Variants in HERC5 observed in about 807,000 individuals in gnomAD.
The protein encoded by HERC5 is E3 ISG15--protein ligase HERC5.
Under a neutral mutation model 119.6 loss-of-function variants are expected in HERC5, and 99 were observed. The observed-to-expected ratio is 0.83, with a 90% CI of 0.70 to 0.98. HERC5 has a LOEUF of 0.98. HERC5 is among the 50% of genes least tolerant of loss of function. The pLI, the probability that HERC5 is intolerant of heterozygous loss-of-function variation, is 0.00. For missense variants in HERC5, 1,267 were observed against 1,241.3 expected, an observed-to-expected ratio of 1.02 and a Z score of -0.31; for synonymous variants, 478 against 445.9, an observed-to-expected ratio of 1.07 and a Z score of -0.91.
At chr4:88,459,271 T>G in intron 1 of HERC5, 76 bp from the exon 2 acceptor site, 4 of 1,202,936 alleles carry the variant, frequency 3.3e-6, no homozygotes, top group Non-Finnish European at 4.4e-6. Context: ...ATGTTTTAAG[T>G]GTATTATAAT....
At chr4:88,502,851 T>C (rs1741985932) in intron 20 of HERC5, among the ~76,000 whole-genome samples, 1 of 152,154 alleles carries the variant, frequency 6.6e-6, no homozygotes, top group Non-Finnish European at 1.5e-5. Context: ...ATCTTTAGTC[T>C]ATTTTTCTGT....
chr4:88,505,942 T>C lies in HERC5; in HGVS notation c.*64T>C. Reference sequence around the variant, plus strand: ...ATCGTTGTTGTTGTTGTTGTTGTTGTTGTTTCTCTACTTTGTTTTGTTTTA... The same window carrying C: ...ATCGTTGTTGTTGTTGTTGTTGTTGCTGTTTCTCTACTTTGTTTTGTTTTA... On this transcript the variant is annotated 3_prime_UTR_variant, in exon 23 of 23. Transcript: ENST00000264350. 7.5e-6 allele frequency: 10 copies of C among 1,327,354 alleles called. No individual in the cohort carries two copies. The South Asian group carries it at 1.3e-4, about 18-fold the overall frequency. 82.2% of individuals were successfully genotyped at this position (1,327,354 alleles called of 1,614,324 possible).
intron 13 of HERC5, among the ~76,000 whole-genome samples, chr4:88,484,491 G>A (rs528170756): frequency 1.1e-4 from 16 of 152,308 alleles, no homozygotes; most frequent in Middle Eastern, 3.4e-3. Context: ...AAGCTTTTTA[G>A]AATTTGGTGG....
chr4:88,493,892 G>A (rs1741725908), intron 17 of HERC5, among the ~76,000 whole-genome samples: 1 of 151,472 alleles, frequency 6.6e-6, no homozygotes, highest in Non-Finnish European at 1.5e-5. Context: ...GGGATTACAA[G>A]CGTGAGAGTG....
chr4:88,490,185 A>T (rs891907963), intron 16 of HERC5, among the ~76,000 whole-genome samples: 1 of 152,222 alleles, frequency 6.6e-6, no homozygotes, highest in Non-Finnish European at 1.5e-5. Flanking sequence ...ATACTGAATC[A>T]TAATGACCAG....
At chr4:88,482,595 A>G (rs1306484902) in intron 13 of HERC5, among the ~76,000 whole-genome samples, 2 of 152,290 alleles carry the variant, frequency 1.3e-5, no homozygotes, top group East Asian at 3.9e-4. Context: ...CCATTTGAAC[A>G]TGGAATCCCA....
chr4:88,493,784 T>G (rs957249291), intron 17 of HERC5, among the ~76,000 whole-genome samples: 3 of 151,832 alleles, frequency 2.0e-5, no homozygotes, highest in Admixed American at 6.6e-5. Flanking sequence ...TGGGTAGTTT[T>G]TGTATTTTTT....
chr4:88,487,101 A>G lies in HERC5; in HGVS notation c.1884A>G (p.Ile628Met). The G allele has an allele frequency of 1.2e-6, 2 of 1,611,808 alleles. No homozygotes were observed. The highest frequency in any genetic ancestry group is 1.7e-6 in the Non-Finnish European group (2 of 1,178,696). ...DASENVQCCV[I>M]FSHFPFIFNN... ...CAGAAAATGTACAATGCTGCGTCATATTCAGTCACTTTCCATTTATCTTTA... is the reference window on the plus strand; with the variant it reads ...CAGAAAATGTACAATGCTGCGTCATGTTCAGTCACTTTCCATTTATCTTTA... Residue 628 changes from isoleucine (I) to methionine (M), a missense_variant, in exon 15 of 23, where the codon ATA becomes ATG. Ile to Met is a conservative substitution (Grantham distance 10). Transcript: ENST00000264350.
intron 6 of HERC5, among the ~76,000 whole-genome samples, chr4:88,465,605 T>C (rs571654509): frequency 5.3e-5 from 8 of 152,222 alleles, no homozygotes; most frequent in Non-Finnish European, 1.0e-4. Flanking sequence ...CCTCTTTGGA[T>C]TCTTCATTAC....
intron 11 of HERC5, chr4:88,473,501 A>G (rs893505224): frequency 2.6e-5 from 4 of 152,186 alleles, no homozygotes; most frequent in African/African-American, 4.8e-5. Flanking sequence ...TCAAGGAAAG[A>G]TGGAAAGTTC....
chr4:88,479,666 AAT>A (rs1012180770), intron 13 of HERC5, among the ~76,000 whole-genome samples, 159 bp downstream of exon 13: 1 of 152,026 alleles, frequency 6.6e-6, no homozygotes, highest in African/African-American at 2.4e-5. Flanking sequence ...CATATAAAGG[AAT>A]ATATATATAA....
intron 7 of HERC5, 54 bp from the exon 8 acceptor site, chr4:88,468,292 C>G: frequency 8.4e-7 from 1 of 1,190,244 alleles, no homozygotes; most frequent in South Asian, 1.3e-5. Flanking sequence ...ATTGAACATG[C>G]ATGTTTGTGC....
intron 7 of HERC5, among the ~76,000 whole-genome samples, chr4:88,467,411 G>A (rs1740710084): frequency 6.6e-6 from 1 of 152,164 alleles, no homozygotes; most frequent in South Asian, 2.1e-4. Context: ...CTTCAGATTA[G>A]GATTAATGTG....
At position 88,504,265 on chromosome 4, in the gene HERC5, T is replaced by C. The variant is rs1218204855; in HGVS notation, c.2616T>C (p.Ile872=). 2 of 1,607,448 alleles carry C rather than the reference T, an allele frequency of 1.2e-6. No individual in the cohort carries two copies. Among genetic ancestry groups the C allele is most frequent in the Admixed American group, 3.4e-5 (2 of 59,474 alleles). Residue 872 remains isoleucine (I), a synonymous_variant, in exon 21 of 23, where the codon ATT becomes ATC. Coordinates refer to ENST00000264350, the MANE Select transcript of HERC5 (RefSeq NM_016323.4). The part of the protein sequence containing the change: ...RDYVSKYINY[I]FNDSVKAVYE... Reference sequence around the variant, plus strand: ...ATGTTTCTAAGTATATCAATTACATTTTCAACGACTCTGTAAAGGCGGTTT... The same window carrying C: ...ATGTTTCTAAGTATATCAATTACATCTTCAACGACTCTGTAAAGGCGGTTT...
rs115628318 is a variant in HERC5 at position 88,505,016 on chromosome 4, A to G, written c.2869+419A>G. 7.3e-3 allele frequency among the ~76,000 whole-genome samples: 1,105 copies of G among 152,106 alleles called. 17 individuals are homozygous for G. The highest frequency in any genetic ancestry group is 0.025 in the African/African-American group (1,047 of 41,486). On this transcript the variant is annotated intron_variant, in intron 22 of 22. Coordinates refer to ENST00000264350, the MANE Select transcript of HERC5 (RefSeq NM_016323.4). ...AGGCTTAATGACTTTCTCATTTTCT[A>G]TTTCCTTACTTTTGAGAAATATTTA...
chr4:88,479,581 C>A, intron 13 of HERC5, 74 bp downstream of exon 13: 1 of 1,276,632 alleles, frequency 7.8e-7, no homozygotes, highest in Non-Finnish European at 1.1e-6. Context: ...TGGCTTGAAT[C>A]TTTAAGTAGA....
intron 12 of HERC5, 93 bp from the exon 13 acceptor site, chr4:88,479,259 TG>T: frequency 1.0e-6 from 1 of 996,804 alleles, no homozygotes; most frequent in Non-Finnish European, 1.4e-6. Context: ...CACTCCAGGC[TG>T]GGCAACAGGG....
At chr4:88,462,905 C>G (rs1357172780) in intron 4 of HERC5, among the ~76,000 whole-genome samples, 1 of 152,184 alleles carries the variant, frequency 6.6e-6, no homozygotes, top group African/African-American at 2.4e-5. Context: ...TGATCCCAAA[C>G]AACTCATTAA....
chr4:88,476,064 C>A, intron 12 of HERC5, 34 bp downstream of exon 12: 4 of 1,537,912 alleles, frequency 2.6e-6, no homozygotes, highest in Non-Finnish European at 3.6e-6. Context: ...CTTTACCTGT[C>A]TTCTCAGTGG....
Sources: gnomAD v4.1 joint callset for allele counts (sites outside exome capture counted in the v4.1 genomes callset) on GRCh38, gnomAD v4.1.1 for gene constraint, MANE v1.5 for transcripts, NCBI Gene and HGNC (gene_info 2026-07-23, HGNC 2026-07-21) for gene names.